Variants in RSF1 observed in about 807,000 individuals in gnomAD.
The protein encoded by RSF1 is HBV pX-associated protein 8.
In RSF1, 13 loss-of-function variants were observed where a neutral mutation model predicts 145.2. The observed-to-expected ratio is 0.09, with a 90% CI of 0.06 to 0.14. The LOEUF is 0.14. RSF1 is among the 10% of genes least tolerant of loss of function. The pLI, the probability that RSF1 is intolerant of heterozygous loss-of-function variation, is 1.00. For synonymous variants in RSF1, 577 were observed against 592.6 expected, an observed-to-expected ratio of 0.97 and a Z score of 0.38; for missense variants, 1,517 against 1,718.2, an observed-to-expected ratio of 0.88 and a Z score of 2.07.
At chr11:77,729,703 A>G (rs1396873408) in intron 4 of RSF1, among the ~76,000 whole-genome samples, 1 of 151,934 alleles carries the variant, frequency 6.6e-6, no homozygotes, top group East Asian at 1.9e-4. Flanking sequence ...GTGACTCTGT[A>G]TTATGTAATA....
At chr11:77,818,844 C>T (rs1481313662) in intron 1 of RSF1, among the ~76,000 whole-genome samples, 1 of 152,158 alleles carries the variant, frequency 6.6e-6, no homozygotes, top group Non-Finnish European at 1.5e-5. Flanking sequence ...GAAATTACTA[C>T]AATGGGAGCT....
intron 2 of RSF1, among the ~76,000 whole-genome samples, chr11:77,759,200 C>T (rs981799750): frequency 6.6e-6 from 1 of 152,136 alleles, no homozygotes; most frequent in African/African-American, 2.4e-5. Flanking sequence ...CTATAGGCAA[C>T]AGTCAAAAGA....
upstream of RSF1, chr11:77,820,855 C>T (rs545839176): frequency 5.0e-4 from 426 of 843,770 alleles, 8 homozygotes; most frequent in South Asian, 6.4e-3. Flanking sequence ...AGGGACGGCT[C>T]CGCGATCCCA....
At chr11:77,679,868 T>C (rs1959812124) in intron 11 of RSF1, among the ~76,000 whole-genome samples, 2 of 152,152 alleles carry the variant, frequency 1.3e-5, no homozygotes, top group Admixed American at 1.3e-4. Flanking sequence ...TTTCTTCACA[T>C]ATAAAATGCC....
chr11:77,762,017 CTTTTCTTTTCTTTTTTTTTT>C (rs1163036217), intron 2 of RSF1: 1 of 74,720 alleles, frequency 1.3e-5, no homozygotes, highest in African/African-American at 5.5e-5. Context: ...GTATTATTTT[CTTTTCTTTTCTTTTTTTTTT>C]TTTTTTTTTT....
rs932004687 is a variant in RSF1, at chr11:77,661,671, C to T, written c.*5246G>A. 2.0e-5 allele frequency: 3 copies of T among 151,806 alleles called. No individual in the cohort carries two copies. Among genetic ancestry groups the T allele is most frequent in the Non-Finnish European group, 4.4e-5 (3 of 67,944 alleles). 9.4% of individuals were successfully genotyped at this position (151,806 alleles called of 1,614,324 possible). ...CATAAACACAATTGTAAAAAATCTA[C>T]ATCCTATTTTAGGGTATTTTCCCAC... On this transcript the variant is annotated 3_prime_UTR_variant, in exon 16 of 16. Coordinates refer to ENST00000308488, the MANE Select transcript of RSF1 (RefSeq NM_016578.4).
chr11:77,818,082 T>C (rs768846142), intron 1 of RSF1, among the ~76,000 whole-genome samples: 6 of 152,226 alleles, frequency 3.9e-5, no homozygotes, highest in Non-Finnish European at 7.3e-5. Flanking sequence ...GATCTATTAT[T>C]ATCAGTCCCC....
rs529227961 is a variant in RSF1 at position 77,746,929 on chromosome 11, TCTG to T, written c.372+104_372+106del. The T allele has an allele frequency of 6.2e-4, 408 of 654,726 alleles. 1 individual carries two copies. In the African/African-American group the frequency reaches 6.7e-3, roughly 11 times the overall value. The allele number at this position is 654,726 out of a possible 1,614,324, so 40.6% of individuals were successfully genotyped here. A position where few individuals can be genotyped will look rare whatever the true frequency, so the allele number is the denominator to read the frequency against. On this transcript the variant is annotated intron_variant, in intron 3 of 15. Coordinates refer to ENST00000308488, the MANE Select transcript of RSF1 (RefSeq NM_016578.4). ...TAAAAAATAGACTCCATTGTCCTCT[TCTG>T]CTAATAATAAAAATGTCTACTTTTT...
Position 77,691,246 on chromosome 11 carries a change from A to C in RSF1, c.2821-8T>G. 1 of 1,613,242 alleles carries C rather than the reference A, an allele frequency of 6.2e-7. No individual in the cohort carries two copies. The highest frequency in any genetic ancestry group is 8.5e-7 in the Non-Finnish European group (1 of 1,179,282). Reference sequence around the variant, plus strand: ...TTTTTCACAGAGCAGTTTCTGAAGAAGCAAAATAGATAAAAGTCATTTTAA... The same window carrying C: ...TTTTTCACAGAGCAGTTTCTGAAGACGCAAAATAGATAAAAGTCATTTTAA... On this transcript the variant is annotated splice_polypyrimidine_tract_variant and splice_region_variant and intron_variant, in intron 8 of 15. Transcript: ENST00000308488.
chr11:77,771,462 G>C (rs1590877378), intron 1 of RSF1, among the ~76,000 whole-genome samples: 1 of 152,186 alleles, frequency 6.6e-6, no homozygotes, highest in Non-Finnish European at 1.5e-5. Context: ...AATGTGGCTA[G>C]AAAATGATAC....
chr11:77,844,971 C>A, the RSF1 span, among the ~76,000 whole-genome samples: 1 of 152,166 alleles, frequency 6.6e-6, no homozygotes, highest in Non-Finnish European at 1.5e-5. Context: ...AATGATAAAT[C>A]AACCATTAGC....
rs574233169 is a variant in RSF1, at chr11:77,817,751, T to C, written c.187+2777A>G. ...AATACTATCAACTTCAGAGAACAGTTGCAAGGAACTAAATCCATGTCTTTT... is the reference window on the plus strand; with the variant it reads ...AATACTATCAACTTCAGAGAACAGTCGCAAGGAACTAAATCCATGTCTTTT... On this transcript the variant is annotated intron_variant, in intron 1 of 15. Transcript: ENST00000308488. 4.6e-5 allele frequency among the ~76,000 whole-genome samples: 7 copies of C among 152,354 alleles called. No homozygotes were observed. In the South Asian group the frequency reaches 1.4e-3, roughly 32 times the overall value.
At chr11:77,840,443 C>T in the RSF1 span, among the ~76,000 whole-genome samples, 1 of 152,122 alleles carries the variant, frequency 6.6e-6, no homozygotes, top group Non-Finnish European at 1.5e-5. Context: ...GCAGGATAAT[C>T]ACTTGAACCC....
intron 4 of RSF1, among the ~76,000 whole-genome samples, 160 bp downstream of exon 4, chr11:77,740,571 A>C (rs893717062): frequency 2.0e-5 from 3 of 152,188 alleles, no homozygotes; most frequent in Admixed American, 2.0e-4. Context: ...AACTAAGTGC[A>C]TACTATGGGT....
At chr11:77,679,792 A>G (rs1025936838) in intron 11 of RSF1, among the ~76,000 whole-genome samples, 2 of 152,178 alleles carry the variant, frequency 1.3e-5, no homozygotes, top group Admixed American at 1.3e-4. Context: ...GAACTAGGTA[A>G]AAGTATTTCT....
Position 77,664,184 on chromosome 11 carries a change from A to C in RSF1, c.*2733T>G, listed in dbSNP as rs1959304438. The C allele has an allele frequency of 6.6e-6, 1 of 152,228 alleles. No individual in the cohort carries two copies. Among genetic ancestry groups the C allele is most frequent in the African/African-American group, 2.4e-5 (1 of 41,474 alleles). The allele number at this position is 152,228 out of a possible 1,614,324, so 9.4% of individuals were successfully genotyped here. A position where few individuals can be genotyped will look rare whatever the true frequency, so the allele number is the denominator to read the frequency against. ...GAGGGACTGAATCTGAACTCCAAGC[A>C]GCAAAACCGTTTTTGCACTGCTCAA... On this transcript the variant is annotated 3_prime_UTR_variant, in exon 16 of 16. Transcript: ENST00000308488.
In RSF1 at chr11:77,667,047, G is replaced by A. The variant is rs1959380043; in HGVS notation, c.4196C>T (p.Thr1399Ile). 1.2e-6 allele frequency: 2 copies of A among 1,613,942 alleles called. No homozygotes were observed. Among genetic ancestry groups the A allele is most frequent in the Admixed American group, 1.7e-5 (1 of 60,000 alleles). The change falls in exon 16 of 16, where the codon ACA (threonine) becomes ATA (isoleucine). Residue 1399 changes from threonine to isoleucine, a missense_variant. This residue lies in a region of RSF1 where 240 missense variants were observed against 231.8 expected (regional missense o/e 1.04). Transcript: ENST00000308488. ...EKSQTPKDNS[T>I]ASASLASNGT... ...ATTGGAGGCTAGGCTTGCACTGGCT[G>A]TGCTGTTGTCCTTGGGGGTCTGAGA...
intron 1 of RSF1, among the ~76,000 whole-genome samples, chr11:77,802,604 C>T (rs1294409019): frequency 1.3e-5 from 2 of 152,064 alleles, no homozygotes; most frequent in Non-Finnish European, 2.9e-5. Context: ...AATGCAATGG[C>T]GCGATCTCAG....
chr11:77,820,008 C>G (rs200823718), intron 1 of RSF1, among the ~76,000 whole-genome samples: 233 of 152,288 alleles, frequency 1.5e-3, no homozygotes, highest in Non-Finnish European at 2.7e-3. Context: ...AGTTGAGTGT[C>G]CGCTGGCCCC....
Sources: gnomAD v4.1 joint callset for allele counts (sites outside exome capture counted in the v4.1 genomes callset) on GRCh38, gnomAD v4.1.1 for gene constraint, gnomAD v4.1.1 regional missense constraint, MANE v1.5 for transcripts, NCBI Gene and HGNC (gene_info 2026-07-23, HGNC 2026-07-21) for gene names.